Variants in PRLR observed in about 807,000 individuals in gnomAD.
PRLR encodes the protein hPRL receptor.
Under a neutral mutation model 40.2 loss-of-function variants are expected in PRLR, and 13 were observed. The ratio of observed to expected loss-of-function variants is 0.32; its 90% CI spans 0.21 to 0.51. The LOEUF (loss-of-function observed/expected upper bound fraction) is 0.51. Ranked by LOEUF, PRLR falls within the 20% of genes least tolerant of loss-of-function variation. PRLR has a pLI of 0.97. For synonymous variants in PRLR, 269 were observed against 278.7 expected, an observed-to-expected ratio of 0.97 and a Z score of 0.35; for missense variants, 656 against 747.3, an observed-to-expected ratio of 0.88 and a Z score of 1.42.
At chr5:35,228,180 T>C (rs1776598096) in intron 1 of PRLR, among the ~76,000 whole-genome samples, 1 of 146,058 alleles carries the variant, frequency 6.8e-6, no homozygotes, top group Non-Finnish European at 1.5e-5. Context: ...AGTTTATCAT[T>C]GACTATGGGC....
At chr5:35,218,480 CACTT>C (rs775733588) in intron 1 of PRLR, among the ~76,000 whole-genome samples, 16 of 152,124 alleles carry the variant, frequency 1.1e-4, no homozygotes, top group African/African-American at 3.1e-4. Flanking sequence ...CTGAATAGTT[CACTT>C]ACTTAAGTTA....
intron 1 of PRLR, among the ~76,000 whole-genome samples, chr5:35,227,903 TGA>T (rs1561375393): frequency 6.6e-6 from 1 of 152,198 alleles, no homozygotes. Context: ...AAAAGAGAAC[TGA>T]GAGACAGGTC....
intron 1 of PRLR, among the ~76,000 whole-genome samples, chr5:35,121,795 G>T (rs943370193): frequency 3.9e-5 from 6 of 152,124 alleles, no homozygotes; most frequent in Non-Finnish European, 8.8e-5. Context: ...CTTGAACCGA[G>T]ATCTCTTTGA....
intron 1 of PRLR, among the ~76,000 whole-genome samples, chr5:35,143,608 A>G (rs1449896009): frequency 6.6e-6 from 1 of 152,230 alleles, no homozygotes; most frequent in Non-Finnish European, 1.5e-5. Flanking sequence ...ACCTAAATGT[A>G]AACTTGAGGG....
At chr5:35,126,269 G>A (rs35245967) in intron 1 of PRLR, among the ~76,000 whole-genome samples, 7,877 of 151,738 alleles carry the variant, frequency 0.052, 492 homozygotes, top group East Asian at 0.15. Flanking sequence ...AGTGCCATGT[G>A]TAGTTTCTTT....
rs560918362 is a variant in PRLR, at chr5:35,071,899, C to CTTTT, written c.543+672_543+675dup. 4.7e-3 allele frequency among the ~76,000 whole-genome samples: 673 copies of CTTTT among 143,964 alleles called. 5 individuals are homozygous for CTTTT. The highest frequency in any genetic ancestry group is 0.015 in the African/African-American group (587 of 39,382). The allele number at this position is 143,964 out of a possible 152,430, so 94.4% of individuals were successfully genotyped here. ...ACAAGTGTGAGCCCCTGAGCCCAGCCTTTTTTTTTTTTCCAAATGGAGTTT... is the reference window on the plus strand; with the variant it reads ...ACAAGTGTGAGCCCCTGAGCCCAGCCTTTTTTTTTTTTTTTTCCAAATGGAGTTT... On this transcript the variant is annotated intron_variant, in intron 6 of 9. Coordinates refer to ENST00000618457, the MANE Select transcript of PRLR (RefSeq NM_000949.7).
At chr5:35,187,365 C>T (rs938999296) in intron 1 of PRLR, among the ~76,000 whole-genome samples, 1 of 151,528 alleles carries the variant, frequency 6.6e-6, no homozygotes, top group Non-Finnish European at 1.5e-5. Flanking sequence ...CACGCCACTG[C>T]ACTCCAGCCT....
chr5:35,185,701 T>A (rs1404361079), intron 1 of PRLR, among the ~76,000 whole-genome samples: 4 of 152,204 alleles, frequency 2.6e-5, no homozygotes, highest in Admixed American at 1.3e-4. Flanking sequence ...ATTCTATCTA[T>A]ACACACAAAC....
chr5:35,182,055 G>A (rs987437955), intron 1 of PRLR, among the ~76,000 whole-genome samples: 8 of 152,018 alleles, frequency 5.3e-5, no homozygotes, highest in African/African-American at 1.7e-4. Context: ...TTGGTCCACG[G>A]TCTCATGACA....
At chr5:35,133,796 CA>C (rs1468175339) in intron 1 of PRLR, among the ~76,000 whole-genome samples, 1 of 152,006 alleles carries the variant, frequency 6.6e-6, no homozygotes, top group African/African-American at 2.4e-5. Context: ...CTGTTGGGAG[CA>C]AAAAAATGTC....
At chr5:35,193,252 C>T (rs1775652745) in intron 1 of PRLR, among the ~76,000 whole-genome samples, 1 of 152,088 alleles carries the variant, frequency 6.6e-6, no homozygotes, top group Admixed American at 6.5e-5. Context: ...CTAGATAAGC[C>T]CCACACTGAA....
chr5:35,084,010 C>A (rs1230990937), intron 5 of PRLR, among the ~76,000 whole-genome samples: 2 of 152,028 alleles, frequency 1.3e-5, no homozygotes, highest in African/African-American at 4.8e-5. Flanking sequence ...TGTACACACA[C>A]ACATATATGA....
intron 1 of PRLR, among the ~76,000 whole-genome samples, chr5:35,194,892 T>C (rs1561359094): frequency 6.6e-6 from 1 of 152,204 alleles, no homozygotes; most frequent in African/African-American, 2.4e-5. Context: ...TAAACCCTAA[T>C]GTAAACTCTG....
At position 35,118,793 on chromosome 5, in the gene PRLR, CT is replaced by C. The variant is rs549235215; in HGVS notation, c.-105-672del. Among the ~76,000 whole-genome samples, 190 of 144,696 alleles carry C rather than the reference CT, an allele frequency of 1.3e-3. 1 individual carries two copies. Among genetic ancestry groups the C allele is most frequent in the South Asian group, 1.0e-2 (45 of 4,522 alleles). 94.9% of individuals were successfully genotyped at this position (144,696 alleles called of 152,430 possible). On this transcript the variant is annotated intron_variant, in intron 1 of 9. Transcript: ENST00000618457. The stretch of plus-strand genomic sequence containing the variant: ...AGGGACAACTGTTAGAGGTATGGAT[CT>C]TTTTTTTTTTTGACAGGGTCTTACT...
intron 8 of PRLR, 33 bp from the exon 9 acceptor site, chr5:35,068,318 C>G: frequency 1.3e-6 from 2 of 1,570,364 alleles, no homozygotes; most frequent in South Asian, 1.1e-5. Context: ...GGCTAAATGA[C>G]TCATTTCTGA....
At chr5:35,216,910 T>G (rs1776300219) in intron 1 of PRLR, among the ~76,000 whole-genome samples, 1 of 152,186 alleles carries the variant, frequency 6.6e-6, no homozygotes, top group South Asian at 2.1e-4. Context: ...TACAGCATAG[T>G]GGTCTTGACC....
rs991633004 is a variant in PRLR at position 35,151,268 on chromosome 5, GT to G, written c.-105-33147del. ...ATACTACTCTTGCCTCGTAGCAATGGTTGTGGAATCATGAGTTGATATGGAA... is the reference window on the plus strand; with the variant it reads ...ATACTACTCTTGCCTCGTAGCAATGGTGTGGAATCATGAGTTGATATGGAA... On this transcript the variant is annotated intron_variant, in intron 1 of 9. Transcript: ENST00000618457. Among the ~76,000 whole-genome samples, 37 of 152,288 alleles carry G rather than the reference GT, an allele frequency of 2.4e-4. 1 individual carries two copies. Among genetic ancestry groups the G allele is most frequent in the Admixed American group, 1.6e-3 (25 of 15,294 alleles).
intron 1 of PRLR, among the ~76,000 whole-genome samples, chr5:35,216,441 G>C (rs1776290118): frequency 1.3e-5 from 2 of 152,218 alleles, no homozygotes; most frequent in African/African-American, 4.8e-5. Flanking sequence ...CATCTTAGTA[G>C]AGTAAGCAGA....
At chr5:35,102,475 C>T (rs1185958707) in intron 2 of PRLR, among the ~76,000 whole-genome samples, 10 of 149,152 alleles carry the variant, frequency 6.7e-5, no homozygotes, top group African/African-American at 2.2e-4. Flanking sequence ...CATCCCGTCC[C>T]GTCCCGTCCC....
Sources: allele counts gnomAD v4.1 joint callset (sites outside exome capture counted in the v4.1 genomes callset), GRCh38; gene constraint gnomAD v4.1.1; transcripts MANE v1.5; gene names NCBI Gene and HGNC (gene_info 2026-07-23, HGNC 2026-07-21).